The following ABCB5 variants were observed in gnomAD, a reference collection of about 807,000 sequenced individuals.
ABCB5 encodes the protein ATP binding cassette subfamily B member 5.
Under a neutral mutation model 144.2 loss-of-function variants are expected in ABCB5, and 155 were observed. The observed-to-expected ratio is 1.08, with a 90% CI of 0.94 to 1.23. ABCB5 has a LOEUF of 1.23. Ranked by LOEUF, ABCB5 falls within the 50% of genes most tolerant of loss-of-function variation. ABCB5 has a pLI of 0.00. For synonymous variants in ABCB5, 610 were observed against 528.6 expected, an observed-to-expected ratio of 1.15 and a Z score of -2.11; for missense variants, 1,830 against 1,520.8, an observed-to-expected ratio of 1.20 and a Z score of -3.38.
intron 19 of ABCB5, among the ~76,000 whole-genome samples, chr7:20,704,003 G>A (rs994695624): frequency 2.0e-5 from 3 of 149,096 alleles, no homozygotes; most frequent in Non-Finnish European, 4.4e-5. Flanking sequence ...GAAAGAGATA[G>A]ACTTTTTATC....
chr7:20,643,447 T>C lies in ABCB5; in HGVS notation c.507-14T>C, dbSNP rs1455999533. On this transcript the variant is annotated splice_polypyrimidine_tract_variant and intron_variant, in intron 6 of 27. Coordinates refer to ENST00000404938, the MANE Select transcript of ABCB5 (RefSeq NM_001163941.2). ...CATGTAAATGACCTAACTACATTTA[T>C]TTGCTTGTTTCAGTGACATTGACAA... is the stretch of plus-strand genomic sequence containing the variant. The C allele has an allele frequency of 6.2e-7, 1 of 1,613,760 alleles. No homozygotes were observed. Among genetic ancestry groups the C allele is most frequent in the Non-Finnish European group, 8.5e-7 (1 of 1,179,764 alleles).
intron 9 of ABCB5, 82 bp downstream of exon 9, chr7:20,646,220 A>T: frequency 7.5e-7 from 1 of 1,325,426 alleles, no homozygotes; most frequent in Non-Finnish European, 1.0e-6. Flanking sequence ...TTTGAAGATA[A>T]ATATTCAAAG....
At chr7:20,659,012 C>T in intron 14 of ABCB5, 2 of 1,588,878 alleles carry the variant, frequency 1.3e-6, no homozygotes, top group Non-Finnish European at 1.7e-6. Flanking sequence ...CCACCCTTTG[C>T]TTCTTCTACA....
intron 26 of ABCB5, among the ~76,000 whole-genome samples, chr7:20,747,553 C>G (rs1018933461): frequency 2.0e-5 from 3 of 152,230 alleles, no homozygotes; most frequent in African/African-American, 7.2e-5. Flanking sequence ...GCCACCACAT[C>G]TGGCCTAACT....
chr7:20,670,845 G>A (rs1305468982), intron 14 of ABCB5, among the ~76,000 whole-genome samples: 2 of 152,180 alleles, frequency 1.3e-5, no homozygotes, highest in African/African-American at 2.4e-5. Context: ...GGAGGCGGAG[G>A]TTGCAGTGAG....
chr7:20,701,983 G>A (rs1275326728), intron 19 of ABCB5, among the ~76,000 whole-genome samples: 1 of 152,110 alleles, frequency 6.6e-6, no homozygotes, highest in Non-Finnish European at 1.5e-5. Flanking sequence ...CCTGATTTTT[G>A]TCCTAAGATA....
chr7:20,740,991 T>G (rs916791565), intron 24 of ABCB5, among the ~76,000 whole-genome samples: 1 of 151,566 alleles, frequency 6.6e-6, no homozygotes, highest in Non-Finnish European at 1.5e-5. Context: ...TCACCCCAGC[T>G]GCTCGGGAGG....
At chr7:20,745,926 C>G (rs556820246) in intron 26 of ABCB5, among the ~76,000 whole-genome samples, 1 of 152,330 alleles carries the variant, frequency 6.6e-6, no homozygotes, top group Admixed American at 6.5e-5. Flanking sequence ...CCTCTGTAAT[C>G]TGGCCCTGCT....
intron 16 of ABCB5, among the ~76,000 whole-genome samples, chr7:20,691,367 G>A (rs1323111839): frequency 6.6e-6 from 1 of 151,448 alleles, no homozygotes. Flanking sequence ...GAACCGGAGA[G>A]GAGAGAACTT....
chr7:20,673,166 A>G (rs1785502180), intron 14 of ABCB5, among the ~76,000 whole-genome samples: 2 of 152,290 alleles, frequency 1.3e-5, no homozygotes, highest in Non-Finnish European at 2.9e-5. Context: ...TAAGTTTATT[A>G]AGAGTCGTTT....
intron 20 of ABCB5, among the ~76,000 whole-genome samples, chr7:20,705,478 A>AT (rs1169938511): frequency 6.6e-6 from 1 of 152,176 alleles, no homozygotes; most frequent in African/African-American, 2.4e-5. Context: ...AACAAATGGG[A>AT]TCTTAACTGA....
chr7:20,741,063 A>G (rs1204828504), intron 24 of ABCB5, among the ~76,000 whole-genome samples: 1 of 150,358 alleles, frequency 6.7e-6, no homozygotes, highest in African/African-American at 2.4e-5. Context: ...AGATCACACC[A>G]CTGTACTCCA....
At chr7:20,669,933 CAGAAT>C (rs1265643886) in intron 14 of ABCB5, among the ~76,000 whole-genome samples, 1 of 152,034 alleles carries the variant, frequency 6.6e-6, no homozygotes, top group Non-Finnish European at 1.5e-5. Context: ...CTCCAAGACC[CAGAAT>C]AGAATTCAAA....
At chr7:20,684,614 C>CA (rs199654687) in intron 15 of ABCB5, among the ~76,000 whole-genome samples, 29,183 of 151,668 alleles carry the variant, frequency 0.19, 2,819 homozygotes, top group East Asian at 0.24. Context: ...TAAATAAAAA[C>CA]AAAAAATAAA....
chr7:20,712,152 C>T lies in ABCB5; in HGVS notation c.2421+7345C>T, dbSNP rs1293298169. 9.7e-5 allele frequency among the ~76,000 whole-genome samples: 9 copies of T among 92,678 alleles called. 1 individual carries two copies. In the East Asian group the frequency reaches 1.8e-3, roughly 19 times the overall value. The allele number at this position is 92,678 out of a possible 152,430, so 60.8% of individuals were successfully genotyped here. A position where few individuals can be genotyped will look rare whatever the true frequency, so the allele number is the denominator to read the frequency against. Reference sequence around the variant, plus strand: ...CTCCAGCCTGGGTGACACAGCAAGACGCCGTCAAAAAAAAAAAAAAAAAAA... The same window carrying T: ...CTCCAGCCTGGGTGACACAGCAAGATGCCGTCAAAAAAAAAAAAAAAAAAA... On this transcript the variant is annotated intron_variant, in intron 20 of 27. Coordinates refer to ENST00000404938, the MANE Select transcript of ABCB5 (RefSeq NM_001163941.2).
intron 5 of ABCB5, among the ~76,000 whole-genome samples, chr7:20,637,095 G>C (rs1784175170): frequency 6.6e-6 from 1 of 152,050 alleles, no homozygotes; most frequent in South Asian, 2.1e-4. Flanking sequence ...AAATTGATTA[G>C]CATCTGTGGA....
intron 26 of ABCB5, among the ~76,000 whole-genome samples, chr7:20,746,150 AG>A (rs1326175893): frequency 4.0e-5 from 6 of 151,674 alleles, no homozygotes; most frequent in Middle Eastern, 6.8e-3. Context: ...CCCAGGCTAG[AG>A]TTCCATGGTG....
At chr7:20,691,905 C>A (rs562406254) in intron 16 of ABCB5, among the ~76,000 whole-genome samples, 16 of 151,112 alleles carry the variant, frequency 1.1e-4, no homozygotes, top group Admixed American at 3.3e-4. Flanking sequence ...AATCACCAGG[C>A]AAGCAAAAAA....
At chr7:20,711,845 T>C (rs1175383566) in intron 20 of ABCB5, among the ~76,000 whole-genome samples, 1 of 10,230 alleles carries the variant, frequency 9.8e-5, no homozygotes, top group African/African-American at 5.9e-4. Flanking sequence ...TCTTTCTTTC[T>C]TTTCTTTCTT....
Sources: gnomAD v4.1 joint callset for allele counts (sites outside exome capture counted in the v4.1 genomes callset) on GRCh38, gnomAD v4.1.1 for gene constraint, MANE v1.5 for transcripts, NCBI Gene and HGNC (gene_info 2026-07-23, HGNC 2026-07-21) for gene names.